The following EFCAB6 variants were observed in gnomAD, a reference collection of about 807,000 sequenced individuals.
The protein encoded by EFCAB6 is EF-hand calcium binding domain 6.
In EFCAB6, 156 loss-of-function variants were observed where a neutral mutation model predicts 169.8. The observed-to-expected ratio is 0.92, with a 90% confidence interval of 0.81 to 1.05. The LOEUF is 1.05. Ranked by LOEUF, EFCAB6 falls within the 50% of genes least tolerant of loss-of-function variation. The pLI, the probability that EFCAB6 is intolerant of heterozygous loss-of-function variation, is 0.00. For synonymous variants in EFCAB6, 698 were observed against 676.4 expected (o/e 1.03, Z -0.50); for missense variants, 1,800 against 1,829.1 (o/e 0.98, Z 0.29).
At chr22:43,552,899 C>G (rs887015042) in intron 27 of EFCAB6, 3 of 152,080 alleles carry the variant, frequency 2.0e-5, no homozygotes, top group Non-Finnish European at 2.9e-5. Context: ...TTCATTTATG[C>G]TAAGAGGAGT....
At chr22:43,618,502 A>G (rs2053897988) in intron 20 of EFCAB6, among the ~76,000 whole-genome samples, 1 of 152,128 alleles carries the variant, frequency 6.6e-6, no homozygotes, top group African/African-American at 2.4e-5. Context: ...AAACACAACT[A>G]TCTGAGGTAA....
chr22:43,679,237 A>G (rs770876606), intron 12 of EFCAB6, among the ~76,000 whole-genome samples: 1 of 152,244 alleles, frequency 6.6e-6, no homozygotes, highest in Non-Finnish European at 1.5e-5. Context: ...TCATGTAAAT[A>G]GAATCATAAA....
chr22:43,680,584 A>C (rs1024685291), intron 12 of EFCAB6, among the ~76,000 whole-genome samples: 1 of 152,180 alleles, frequency 6.6e-6, no homozygotes, highest in African/African-American at 2.4e-5. Flanking sequence ...CGATCTATAA[A>C]TATGGAATGT....
chr22:43,651,006 G>A (rs777785412), intron 17 of EFCAB6, among the ~76,000 whole-genome samples: 1 of 152,192 alleles, frequency 6.6e-6, no homozygotes, highest in Admixed American at 6.5e-5. Context: ...CAGAAAATTT[G>A]CAGCCTGACA....
intron 3 of EFCAB6, among the ~76,000 whole-genome samples, chr22:43,778,706 C>T (rs776043277): frequency 2.6e-5 from 4 of 152,200 alleles, no homozygotes; most frequent in Non-Finnish European, 5.9e-5. Context: ...TGAAGGCAAG[C>T]ATATGAAACC....
intron 30 of EFCAB6, among the ~76,000 whole-genome samples, chr22:43,531,169 T>TA (rs368000988): frequency 5.3e-5 from 8 of 152,156 alleles, no homozygotes; most frequent in African/African-American, 1.9e-4. Context: ...GTGGGCTGTT[T>TA]AAAAACGTGT....
rs554682654 is a variant in EFCAB6, at chr22:43,775,922, C to T, written c.140-2819G>A. ...CTCTGGCCCCCGATGTGACATCAGC[C>T]CAGCCTCTGCACCTCCCCAGCTGGA... On this transcript the variant is annotated intron_variant, in intron 3 of 31. Transcript: ENST00000262726. Among the ~76,000 whole-genome samples, 642 of 152,352 alleles carry T rather than the reference C, an allele frequency of 4.2e-3. 2 individuals carry two copies. Among genetic ancestry groups the T allele is most frequent in the Middle Eastern group, 0.027 (8 of 294 alleles).
intron 6 of EFCAB6, among the ~76,000 whole-genome samples, chr22:43,739,327 C>T (rs1297872967): frequency 2.6e-5 from 4 of 152,216 alleles, no homozygotes; most frequent in Non-Finnish European, 5.9e-5. Flanking sequence ...CTTCCAGAGC[C>T]AATGCTCTCT....
At chr22:43,746,214 C>T (rs1438158665) in intron 6 of EFCAB6, among the ~76,000 whole-genome samples, 3 of 152,212 alleles carry the variant, frequency 2.0e-5, no homozygotes, top group Non-Finnish European at 2.9e-5. Flanking sequence ...TGGCAGTTGC[C>T]CTCGCAGGCC....
chr22:43,685,621 T>C (rs577583691), intron 11 of EFCAB6, among the ~76,000 whole-genome samples: 13 of 152,316 alleles, frequency 8.5e-5, no homozygotes, highest in African/African-American at 3.1e-4. Flanking sequence ...CTTGGCTCTT[T>C]GGGCAACTGT....
chr22:43,801,131 A>G (rs1297833727), intron 2 of EFCAB6, among the ~76,000 whole-genome samples: 1 of 152,238 alleles, frequency 6.6e-6, no homozygotes, highest in African/African-American at 2.4e-5. Flanking sequence ...CTGGCAACAG[A>G]CTTCTTAACA....
intron 20 of EFCAB6, among the ~76,000 whole-genome samples, chr22:43,616,889 T>C (rs978176795): frequency 6.6e-6 from 1 of 152,196 alleles, no homozygotes. Context: ...ACCTGGCCAG[T>C]GTAAACTGCA....
chr22:43,605,136 C>T (rs2147586367), intron 22 of EFCAB6, among the ~76,000 whole-genome samples: 1 of 152,352 alleles, frequency 6.6e-6, no homozygotes, highest in Middle Eastern at 3.4e-3. Flanking sequence ...CCAACTGAAA[C>T]CACCTTTGCA....
intron 27 of EFCAB6, chr22:43,540,561 A>G: frequency 2.0e-6 from 3 of 1,505,988 alleles, no homozygotes; most frequent in South Asian, 1.2e-5. Flanking sequence ...AGCAAAGACA[A>G]GAGGATTATT....
chr22:43,599,093 G>GT (rs2052282485), intron 23 of EFCAB6, among the ~76,000 whole-genome samples: 1 of 152,164 alleles, frequency 6.6e-6, no homozygotes, highest in South Asian at 2.1e-4. Flanking sequence ...TGCCCAAAAC[G>GT]TAATGGCCTG....
intron 2 of EFCAB6, chr22:43,802,677 G>A: frequency 3.9e-6 from 2 of 506,548 alleles, no homozygotes; most frequent in East Asian, 5.4e-5. Context: ...GGGAAAAAGG[G>A]AAAAGCTGAT....
intron 4 of EFCAB6, among the ~76,000 whole-genome samples, chr22:43,770,449 A>G (rs1220079822): frequency 6.6e-6 from 1 of 152,238 alleles, no homozygotes; most frequent in Non-Finnish European, 1.5e-5. Context: ...AAATTACTAG[A>G]CAAGAACTTT....
rs1026766527 is a variant in EFCAB6, at chr22:43,655,188, C to T, written c.1983+11916G>A. On this transcript the variant is annotated intron_variant, in intron 17 of 31. Coordinates refer to ENST00000262726, the MANE Select transcript of EFCAB6 (RefSeq NM_022785.4). ...AGGAGAATTGCTTAAACCTGGGAGG[C>T]GGAGGTTGCAGTGAGCTGAGATCAT... Among the ~76,000 whole-genome samples, 7 of 152,114 alleles carry T rather than the reference C, an allele frequency of 4.6e-5. No individual in the cohort carries two copies. In the South Asian group the frequency reaches 1.2e-3, roughly 27 times the overall value.
At chr22:43,781,241 T>C (rs2061813042) in intron 3 of EFCAB6, among the ~76,000 whole-genome samples, 1 of 152,250 alleles carries the variant, frequency 6.6e-6, no homozygotes, top group Admixed American at 6.5e-5. Flanking sequence ...TGAAAACCTA[T>C]GTCCACATAA....
Sources: gnomAD v4.1 joint callset for allele counts (sites outside exome capture counted in the v4.1 genomes callset) on GRCh38, gnomAD v4.1.1 for gene constraint, MANE v1.5 for transcripts, NCBI Gene and HGNC (gene_info 2026-07-23, HGNC 2026-07-21) for gene names.